LDLRAP1: variants seen among roughly 807,000 people sequenced by gnomAD.
LDLRAP1 encodes the protein low density lipoprotein receptor adapter protein 1.
LDLRAP1 carries 30 observed loss-of-function variants against 37.8 expected under a neutral mutation model. That is an observed-to-expected ratio of 0.79 (90% CI 0.59 to 1.08). The LOEUF is 1.08. Among genes scored for constraint, LDLRAP1 ranks in the 50% least tolerant of loss-of-function variants. The pLI, the probability that LDLRAP1 is intolerant of heterozygous loss-of-function variation, is 0.00. For missense variants in LDLRAP1, 375 were observed against 401.6 expected, an observed-to-expected ratio of 0.93 and a Z score of 0.57; for synonymous variants, 156 against 169.8, an observed-to-expected ratio of 0.92 and a Z score of 0.63.
At chr1:25,550,826 G>A (rs113203593) in intron 1 of LDLRAP1, among the ~76,000 whole-genome samples, 8,116 of 152,204 alleles carry the variant, frequency 0.053, 327 homozygotes, top group African/African-American at 0.11. Context: ...AGGGAAGGAG[G>A]AATGCAGAAA....
chr1:25,583,886 C>T, the LDLRAP1 span, among the ~76,000 whole-genome samples: 1 of 152,196 alleles, frequency 6.6e-6, no homozygotes, highest in Non-Finnish European at 1.5e-5. Context: ...ATTCCTATGA[C>T]ATGTGTGGTC....
the LDLRAP1 span, among the ~76,000 whole-genome samples, chr1:25,589,766 C>A: frequency 2.0e-5 from 3 of 152,174 alleles, no homozygotes; most frequent in Admixed American, 2.0e-4. Flanking sequence ...GGTCATGGAA[C>A]TTCTTGGCCT....
chr1:25,552,975 G>A (rs2044109349), intron 1 of LDLRAP1, among the ~76,000 whole-genome samples: 1 of 152,176 alleles, frequency 6.6e-6, no homozygotes, highest in African/African-American at 2.4e-5. Flanking sequence ...GGACCATCCA[G>A]GGGGTGGGAA....
At position 25,545,977 on chromosome 1, in the gene LDLRAP1, C is replaced by G. The variant is rs545898385; in HGVS notation, c.88+2191C>G. Among the ~76,000 whole-genome samples the G allele has an allele frequency of 3.3e-5, 5 of 152,324 alleles. No homozygotes were observed. The East Asian group carries it at 9.6e-4, about 29-fold the overall frequency. On this transcript the variant is annotated intron_variant, in intron 1 of 8. Transcript: ENST00000374338. ...ACTCTGAGCATTGGAGTCATTGGCT[C>G]CAGACACAGAGCATCTAAGAGGCAG...
intron 4 of LDLRAP1, among the ~76,000 whole-genome samples, chr1:25,558,700 C>A (rs1278292009): frequency 6.6e-6 from 1 of 152,184 alleles, no homozygotes; most frequent in Admixed American, 6.5e-5. Flanking sequence ...TCTCCTACCC[C>A]GCTCAGCACT....
intron 4 of LDLRAP1, among the ~76,000 whole-genome samples, chr1:25,558,282 C>T (rs1271699273): frequency 4.6e-5 from 7 of 152,292 alleles, no homozygotes; most frequent in Non-Finnish European, 4.4e-5. Flanking sequence ...CCCTTGGAAC[C>T]TAGGAGACAA....
chr1:25,556,611 G>C (rs2124672251), intron 3 of LDLRAP1, among the ~76,000 whole-genome samples: 1 of 152,300 alleles, frequency 6.6e-6, no homozygotes, highest in African/African-American at 2.4e-5. Flanking sequence ...GAAGGGCATT[G>C]GTGAGCAGGG....
chr1:25,559,476 T>C (rs2044291851), intron 4 of LDLRAP1, among the ~76,000 whole-genome samples: 1 of 152,202 alleles, frequency 6.6e-6, no homozygotes, highest in South Asian at 2.1e-4. Context: ...GCTCAGCCAC[T>C]GACTGCAGAG....
intron 4 of LDLRAP1, among the ~76,000 whole-genome samples, chr1:25,559,284 G>A (rs1256686534): frequency 6.6e-6 from 1 of 152,168 alleles, no homozygotes; most frequent in African/African-American, 2.4e-5. Context: ...TGGGTGGGAG[G>A]GGCCTTCGAC....
At position 25,555,077 on chromosome 1, in the gene LDLRAP1, G is replaced by A. The variant is rs1242036964; in HGVS notation, c.344+105G>A. The A allele has an allele frequency of 8.3e-6, 7 of 839,760 alleles. No homozygotes were observed. Among genetic ancestry groups the A allele is most frequent in the Non-Finnish European group, 1.4e-5 (7 of 494,196 alleles). 52.0% of individuals were successfully genotyped at this position (839,760 alleles called of 1,614,324 possible). Reference sequence around the variant, plus strand: ...ACCACTTCCTACCTGGGTGACATTGGAGCCTCAGTTTCCTCATCTGTAAAA... The same window carrying A: ...ACCACTTCCTACCTGGGTGACATTGAAGCCTCAGTTTCCTCATCTGTAAAA... On this transcript the variant is annotated intron_variant, in intron 3 of 8. Coordinates refer to ENST00000374338, the MANE Select transcript of LDLRAP1 (RefSeq NM_015627.3). This position sits in a 1 kb window ranked among gnomAD's most constrained non-coding sequence, Gnocchi z 4.7.
At chr1:25,589,231 G>A in the LDLRAP1 span, among the ~76,000 whole-genome samples, 2 of 150,900 alleles carry the variant, frequency 1.3e-5, no homozygotes, top group African/African-American at 2.4e-5. Flanking sequence ...TTGAACCTGG[G>A]AGGTGGAGGT....
chr1:25,567,459 C>T lies in LDLRAP1; in HGVS notation c.*467C>T, dbSNP rs1186538066. The T allele has an allele frequency of 3.4e-5, 10 of 297,166 alleles. No individual in the cohort carries two copies. The East Asian group carries it at 8.3e-4, about 25-fold the overall frequency. 18.4% of individuals were successfully genotyped at this position (297,166 alleles called of 1,614,324 possible). On this transcript the variant is annotated 3_prime_UTR_variant, in exon 9 of 9. Transcript: ENST00000374338. ...TGATTTTTCCCCCCACCCCCCAGCA[C>T]AGGAGAGCACCCACAGCCGCAGAAG...
rs1296720028 is a variant in LDLRAP1 at position 25,554,241 on chromosome 1, G to A, written c.231+177G>A. Among the ~76,000 whole-genome samples, 5 of 152,160 alleles carry A rather than the reference G, an allele frequency of 3.3e-5. No homozygotes were observed. Among genetic ancestry groups the A allele is most frequent in the Non-Finnish European group, 1.5e-5 (1 of 68,018 alleles). ...CAGAGGGGAACCATTGGACTTGCAA[G>A]GTCACGGTTAGTGGCTTCCCTCCAG... is the stretch of plus-strand genomic sequence containing the variant. On this transcript the variant is annotated intron_variant, in intron 2 of 8. Coordinates refer to ENST00000374338, the MANE Select transcript of LDLRAP1 (RefSeq NM_015627.3). The surrounding 1 kb of genome is among the most constrained non-coding windows in gnomAD (Gnocchi z 5.4).
the LDLRAP1 span, chr1:25,581,620 AG>A: frequency 6.6e-6 from 1 of 152,456 alleles, no homozygotes; most frequent in African/African-American, 2.4e-5. Context: ...GTGTCAGCAA[AG>A]GCTGCGCAGA....
At chr1:25,578,105 C>T in the LDLRAP1 span, among the ~76,000 whole-genome samples, 1 of 152,210 alleles carries the variant, frequency 6.6e-6, no homozygotes, top group African/African-American at 2.4e-5. Flanking sequence ...AGAGATCTCA[C>T]CCCAACAGGG....
At chr1:25,587,845 G>A in the LDLRAP1 span, among the ~76,000 whole-genome samples, 3 of 152,248 alleles carry the variant, frequency 2.0e-5, no homozygotes, top group East Asian at 1.9e-4. Flanking sequence ...GATGGGTCAG[G>A]TGTGTGTGGG....
intron 1 of LDLRAP1, among the ~76,000 whole-genome samples, chr1:25,548,871 G>A (rs1242339481): frequency 6.6e-6 from 1 of 152,080 alleles, no homozygotes; most frequent in Non-Finnish European, 1.5e-5. Context: ...GTCCAGGCTG[G>A]TCTTGAACTC....
chr1:25,583,380 A>G, the LDLRAP1 span, among the ~76,000 whole-genome samples: 1 of 151,718 alleles, frequency 6.6e-6, no homozygotes, highest in Non-Finnish European at 1.5e-5. Flanking sequence ...TTTAGTAGAG[A>G]TGGGGTTTCG....
the LDLRAP1 span, among the ~76,000 whole-genome samples, chr1:25,586,585 C>T: frequency 5.0e-4 from 73 of 147,118 alleles, no homozygotes; most frequent in East Asian, 7.8e-4. The surrounding 1 kb of genome is among the most constrained non-coding windows in gnomAD (Gnocchi z 4.3). Flanking sequence ...CGTGTGCGCG[C>T]GTGTGTGTGT....
Sources: gnomAD v4.1 joint callset for allele counts (sites outside exome capture counted in the v4.1 genomes callset) on GRCh38, gnomAD v4.1.1 for gene constraint, Gnocchi (gnomAD v3.1) non-coding constraint, MANE v1.5 for transcripts, NCBI Gene and HGNC (gene_info 2026-07-23, HGNC 2026-07-21) for gene names.